DUOX1: variants seen among roughly 807,000 people sequenced by gnomAD.
DUOX1 encodes dual oxidase 1.
Under a neutral mutation model 181.8 loss-of-function variants are expected in DUOX1, and 134 were observed. That is an observed-to-expected ratio of 0.74 (90% CI 0.64 to 0.85). The LOEUF (loss-of-function observed/expected upper bound fraction) is 0.85, where lower values mean the gene tolerates loss of function less well. DUOX1 is among the 40% of genes least tolerant of loss of function. The pLI is 0.00. For synonymous variants in DUOX1, 798 were observed against 832.5 expected (o/e 0.96, Z 0.71); for missense variants, 1,814 against 2,064.4 (o/e 0.88, Z 2.35).
chr15:45,147,336 C>A (rs1896679771), intron 18 of DUOX1, 97 bp from the exon 19 acceptor site: 1 of 1,476,430 alleles, frequency 6.8e-7, no homozygotes, highest in Non-Finnish European at 9.2e-7. Context: ...GGGTCCTGGG[C>A]AGACACCTCA....
At chr15:45,143,899 G>A (rs72724255) in intron 16 of DUOX1, 137 bp from the exon 17 acceptor site, 19,871 of 765,872 alleles carry the variant, frequency 0.026, 323 homozygotes, top group South Asian at 0.033. Context: ...TTCAGGGAGG[G>A]AATGACTCTC....
At chr15:45,134,055 A>C (rs1896219370) in intron 3 of DUOX1, 90 bp from the exon 4 acceptor site, 2 of 1,557,902 alleles carry the variant, frequency 1.3e-6, no homozygotes, top group East Asian at 4.5e-5. Context: ...CCAAGGTTTT[A>C]GGATCCATGA....
chr15:45,162,608 ACT>A (rs1291199512), intron 31 of DUOX1, among the ~76,000 whole-genome samples: 1 of 151,928 alleles, frequency 6.6e-6, no homozygotes, highest in Non-Finnish European at 1.5e-5. Context: ...GTTTACAAAG[ACT>A]CTTTCCCTCA....
chr15:45,140,064 C>G (rs549619094), intron 12 of DUOX1: 2 of 1,373,828 alleles, frequency 1.5e-6, no homozygotes, highest in African/African-American at 2.9e-5. Flanking sequence ...TCCTGGTGTT[C>G]TCAAACCAGT....
At position 45,142,114 on chromosome 15, in the gene DUOX1, T is replaced by C; in HGVS notation, c.1822+2T>C. 6.2e-7 allele frequency: 1 copy of C among 1,612,892 alleles called. No homozygotes were observed. Among genetic ancestry groups the C allele is most frequent in the Non-Finnish European group, 8.5e-7 (1 of 1,179,432 alleles). On this transcript the variant is annotated splice_donor_variant, in intron 15 of 33. Coordinates refer to ENST00000389037, the MANE Select transcript of DUOX1 (RefSeq NM_175940.3). LOFTEE classifies it high-confidence loss of function. ...GGACCCTCTGTTGCTTCCCTTTGGG[T>C]AAAATCATGGACAGAGTGGGGTGGG...
Position 45,157,024 on chromosome 15 carries a change from T to C in DUOX1, c.3702+1095T>C, listed in dbSNP as rs78589106. The stretch of plus-strand genomic sequence containing the variant: ...AGCTGTTCCCTGCAGCAGAACTGCA[T>C]ACAGGGCTCTCCTTTGTGCCGAGAC... On this transcript the variant is annotated intron_variant, in intron 28 of 33. Transcript: ENST00000389037. Among the ~76,000 whole-genome samples the C allele has an allele frequency of 1.1e-3, 174 of 152,326 alleles. 6 individuals are homozygous for C. In the East Asian group the frequency reaches 0.029, roughly 25 times the overall value.
intron 16 of DUOX1, 63 bp from the exon 17 acceptor site, chr15:45,143,973 C>T: frequency 6.4e-7 from 1 of 1,561,190 alleles, no homozygotes; most frequent in East Asian, 2.3e-5. Flanking sequence ...TGAGCTGGCC[C>T]TCTTCCTCCC....
intron 6 of DUOX1, 39 bp from the exon 7 acceptor site, chr15:45,135,743 C>T (rs1896294052): frequency 1.7e-5 from 25 of 1,431,680 alleles, no homozygotes; most frequent in Non-Finnish European, 2.3e-5. Flanking sequence ...GATCACGCTA[C>T]CGCTCGTCTC....
At chr15:45,162,738 G>A (rs1008567333) in intron 31 of DUOX1, among the ~76,000 whole-genome samples, 2 of 152,272 alleles carry the variant, frequency 1.3e-5, no homozygotes, top group Non-Finnish European at 2.9e-5. Context: ...TTATTGGGCT[G>A]GGAGAGGGAA....
chr15:45,134,121 T>G, intron 3 of DUOX1, 24 bp from the exon 4 acceptor site: 1 of 1,548,644 alleles, frequency 6.5e-7, no homozygotes, highest in Non-Finnish European at 8.7e-7. Context: ...AGATTCATCC[T>G]TATCCTTACC....
chr15:45,158,594 C>T (rs192487366), intron 28 of DUOX1, among the ~76,000 whole-genome samples: 6 of 148,512 alleles, frequency 4.0e-5, no homozygotes, highest in Admixed American at 2.0e-4. Flanking sequence ...CCCAGCTACT[C>T]GGGAGGCTGA....
chr15:45,148,796 C>G (rs1896729663), intron 21 of DUOX1, among the ~76,000 whole-genome samples: 1 of 151,972 alleles, frequency 6.6e-6, no homozygotes, highest in African/African-American at 2.4e-5. Flanking sequence ...TCCCCTGGCT[C>G]CCTGCCAAAG....
chr15:45,148,256 T>C lies in DUOX1; in HGVS notation c.2643-16T>C, dbSNP rs1287397152. The C allele has an allele frequency of 6.2e-7, 1 of 1,613,724 alleles. No homozygotes were observed. The highest frequency in any genetic ancestry group is 2.2e-5 in the East Asian group (1 of 44,892). On this transcript the variant is annotated splice_polypyrimidine_tract_variant and intron_variant, in intron 20 of 33. Transcript: ENST00000389037. ...GCCCCAGTCAGGGCCGGATGGTTCC[T>C]CTCCCCCAACCCCAGATCCTTCATC...
Position 45,153,371 on chromosome 15 carries a change from C to T in DUOX1, c.3425-9C>T, listed in dbSNP as rs779399033. ...CCCCAAGCTCACCACTTGGTCTGCTCTTCCTTAGTCTTACACAGTGTGGGC... is the reference window on the plus strand; with the variant it reads ...CCCCAAGCTCACCACTTGGTCTGCTTTTCCTTAGTCTTACACAGTGTGGGC... On this transcript the variant is annotated splice_polypyrimidine_tract_variant and intron_variant, in intron 25 of 33. Transcript: ENST00000389037. 2.5e-6 allele frequency: 4 copies of T among 1,613,558 alleles called. No individual in the cohort carries two copies. In the South Asian group the frequency reaches 4.4e-5, roughly 18 times the overall value.
At chr15:45,153,206 G>A (rs1236636205) in intron 25 of DUOX1, 174 bp from the exon 26 acceptor site, 8 of 490,956 alleles carry the variant, frequency 1.6e-5, no homozygotes, top group Non-Finnish European at 2.4e-5. Context: ...GGGTGACAGA[G>A]TGAGACTCCA....
rs750092943 is a variant in DUOX1 at position 45,140,888 on chromosome 15, G to A, written c.1390-7G>A. On this transcript the variant is annotated splice_region_variant and splice_polypyrimidine_tract_variant and intron_variant, in intron 12 of 33. Coordinates refer to ENST00000389037, the MANE Select transcript of DUOX1 (RefSeq NM_175940.3). ...TTTCTCTTACTTCTGCCCCTTCTTG[G>A]TTCCAGGTACTGGAGGCCACAGCTG... 67 of 1,612,434 alleles carry A rather than the reference G, an allele frequency of 4.2e-5. No homozygotes were observed. Among genetic ancestry groups the A allele is most frequent in the Admixed American group, 1.0e-4 (6 of 59,916 alleles).
At chr15:45,148,973 C>A (rs1343161380) in intron 21 of DUOX1, among the ~76,000 whole-genome samples, 34 of 152,026 alleles carry the variant, frequency 2.2e-4, no homozygotes. Context: ...TAAATGTTTG[C>A]TGAATACATG....
Position 45,155,816 on chromosome 15 carries a change from G to C in DUOX1, c.3589G>C (p.Val1197Leu). ...FQTVPGLTGV[V>L]LLLILAIMYV... ...TCATTTTGCAGGCCTCACGGGGGTT[G>C]TGCTGCTCCTGATCCTGGCCATCAT... The change falls in exon 28 of 34, where the codon GTG (valine) becomes CTG (leucine). Residue 1197 changes from valine to leucine, a missense_variant. Physicochemically the swap from Val to Leu is conservative, Grantham distance 32 (BLOSUM62 1). Around this residue, in one of 5 missense-constraint regions of DUOX1, gnomAD observed 279 missense variants for 381.9 expected, o/e 0.73. Transcript: ENST00000389037. The C allele has an allele frequency of 6.2e-7, 1 of 1,613,914 alleles. No homozygotes were observed. Among genetic ancestry groups the C allele is most frequent in the Admixed American group, 1.7e-5 (1 of 60,016 alleles).
At position 45,139,165 on chromosome 15, in the gene DUOX1, C is replaced by G; in HGVS notation, c.1213C>G (p.Arg405Gly). The change falls in exon 11 of 34, where the codon CGG (arginine) becomes GGG (glycine). Residue 405 changes from arginine to glycine, a missense_variant. Around this residue, in one of 5 missense-constraint regions of DUOX1, gnomAD observed 1,064 missense variants for 1,152.9 expected, o/e 0.92. Transcript: ENST00000389037. ...GGACCATGTGTTGGTTGAAGATGTG[C>G]GGGGTGAGTCTGAGGCTGTCCCTGC... is the stretch of plus-strand genomic sequence containing the variant. ...REDHVLVEDV[R>G]DFWPGPLKFS... 3.1e-6 allele frequency: 5 copies of G among 1,614,088 alleles called. No homozygotes were observed. The highest frequency in any genetic ancestry group is 4.2e-6 in the Non-Finnish European group (5 of 1,180,028).
Sources: gnomAD v4.1 joint callset for allele counts (sites outside exome capture counted in the v4.1 genomes callset) on GRCh38, gnomAD v4.1.1 for gene constraint, gnomAD v4.1.1 regional missense constraint, MANE v1.5 for transcripts, NCBI Gene and HGNC (gene_info 2026-07-23, HGNC 2026-07-21) for gene names.